Variants in RPS6KC1 observed in about 807,000 individuals in gnomAD.
RPS6KC1 encodes the protein ribosomal protein S6 kinase C1.
RPS6KC1 carries 54 observed loss-of-function variants against 103.8 expected under a neutral mutation model. That is an observed-to-expected ratio of 0.52 (90% CI 0.42 to 0.65). RPS6KC1 has a LOEUF of 0.65. Ranked by LOEUF, RPS6KC1 falls within the 30% of genes least tolerant of loss-of-function variation. The pLI is 0.00. For missense variants in RPS6KC1, 1,151 were observed against 1,253.8 expected, an observed-to-expected ratio of 0.92 and a Z score of 1.24; for synonymous variants, 439 against 438.7, an observed-to-expected ratio of 1.00 and a Z score of -0.01.
chr1:213,251,426 A>G (rs974378931), intron 12 of RPS6KC1, among the ~76,000 whole-genome samples: 8 of 152,094 alleles, frequency 5.3e-5, no homozygotes, highest in African/African-American at 1.9e-4. Flanking sequence ...TTCTTGATGT[A>G]GCACACGCCA....
chr1:213,625,787 C>T, the RPS6KC1 span, among the ~76,000 whole-genome samples: 1 of 152,142 alleles, frequency 6.6e-6, no homozygotes, highest in Admixed American at 6.6e-5. Flanking sequence ...GCATAGTATT[C>T]CATGGTGTAT....
At chr1:213,796,183 A>G in the RPS6KC1 span, among the ~76,000 whole-genome samples, 3 of 152,220 alleles carry the variant, frequency 2.0e-5, no homozygotes, top group Non-Finnish European at 2.9e-5. Context: ...CAGTAACCCA[A>G]TATTATCTTC....
chr1:213,727,301 C>T, the RPS6KC1 span, among the ~76,000 whole-genome samples: 1 of 152,150 alleles, frequency 6.6e-6, no homozygotes, highest in Admixed American at 6.5e-5. Flanking sequence ...TCATCATATC[C>T]TCTGTGCAAA....
At chr1:213,825,927 T>G in the RPS6KC1 span, among the ~76,000 whole-genome samples, 8 of 152,316 alleles carry the variant, frequency 5.3e-5, no homozygotes, top group African/African-American at 1.7e-4. Context: ...GCCCATGAAC[T>G]GAAAACAATC....
At chr1:213,854,564 C>CTTTCTCTCTT in the RPS6KC1 span, among the ~76,000 whole-genome samples, 4 of 105,676 alleles carry the variant, frequency 3.8e-5, no homozygotes, top group Admixed American at 1.0e-4. Context: ...TTCTTTCTTT[C>CTTTCTCTCTT]TCTCTCTCTC....
At position 213,129,780 on chromosome 1, in the gene RPS6KC1, A is replaced by G. The variant is rs771195924; in HGVS notation, c.726A>G (p.Lys242=). Reference sequence around the variant, plus strand: ...TTGGCAAGAGAGATTATTTGGAGAAAGCAGGAGAATTAATAAAGCTGGCTT... The same window carrying G: ...TTGGCAAGAGAGATTATTTGGAGAAGGCAGGAGAATTAATAAAGCTGGCTT... ...PKLGKRDYLE[K]AGELIKLALK... is the part of the protein sequence containing the mutation. The change falls in exon 6 of 15, where the codon AAA becomes AAG. Residue 242 remains lysine (K), a synonymous_variant. Coordinates refer to ENST00000366960, the MANE Select transcript of RPS6KC1 (RefSeq NM_012424.6). 6.2e-7 allele frequency: 1 copy of G among 1,614,096 alleles called. No homozygotes were observed. The highest frequency in any genetic ancestry group is 1.1e-5 in the South Asian group (1 of 91,078).
chr1:213,771,409 G>T, the RPS6KC1 span, among the ~76,000 whole-genome samples: 2 of 152,200 alleles, frequency 1.3e-5, no homozygotes, highest in Non-Finnish European at 2.9e-5. Context: ...TAAGAAGTGA[G>T]CAGGTTGTAT....
intron 8 of RPS6KC1, among the ~76,000 whole-genome samples, chr1:213,215,140 G>A (rs888022417): frequency 6.6e-6 from 1 of 152,166 alleles, no homozygotes; most frequent in Non-Finnish European, 1.5e-5. Context: ...AAAAAGATTA[G>A]ACGAATGGCT....
intron 1 of RPS6KC1, among the ~76,000 whole-genome samples, chr1:213,058,687 A>C (rs1198809946): frequency 2.0e-5 from 3 of 152,188 alleles, no homozygotes; most frequent in Non-Finnish European, 4.4e-5. Context: ...AAAATTAGGC[A>C]ATATTGTTTC....
At chr1:213,222,908 T>C (rs2093870968) in intron 8 of RPS6KC1, among the ~76,000 whole-genome samples, 1 of 152,218 alleles carries the variant, frequency 6.6e-6, no homozygotes, top group African/African-American at 2.4e-5. Flanking sequence ...GCCCATCTGG[T>C]TAAAAATTCA....
intron 5 of RPS6KC1, among the ~76,000 whole-genome samples, chr1:213,122,176 T>G (rs2084463163): frequency 6.6e-6 from 1 of 152,142 alleles, no homozygotes; most frequent in Admixed American, 6.5e-5. Context: ...TTTAAGAATA[T>G]TAATTCTTAA....
the RPS6KC1 span, among the ~76,000 whole-genome samples, chr1:213,557,548 T>C: frequency 6.6e-6 from 1 of 152,166 alleles, no homozygotes; most frequent in Non-Finnish European, 1.5e-5. Flanking sequence ...AGTATGAGAA[T>C]TCTAAATGTG....
the RPS6KC1 span, among the ~76,000 whole-genome samples, chr1:213,791,199 C>G: frequency 5.2e-3 from 789 of 151,986 alleles, 8 homozygotes; most frequent in African/African-American, 0.019. Flanking sequence ...AAAGCCAGAA[C>G]TAGAAATTCT....
At chr1:213,469,201 A>G in the RPS6KC1 span, among the ~76,000 whole-genome samples, 1 of 152,146 alleles carries the variant, frequency 6.6e-6, no homozygotes, top group Middle Eastern at 3.2e-3. Flanking sequence ...TGCAGGATGT[A>G]TATTTAGAGT....
chr1:213,464,991 A>C, the RPS6KC1 span, among the ~76,000 whole-genome samples: 8 of 152,166 alleles, frequency 5.3e-5, no homozygotes, highest in East Asian at 1.5e-3. Flanking sequence ...TTACTCACCC[A>C]AAGTCACACC....
the RPS6KC1 span, among the ~76,000 whole-genome samples, chr1:213,482,408 T>C: frequency 6.6e-6 from 1 of 152,066 alleles, no homozygotes; most frequent in Non-Finnish European, 1.5e-5. Flanking sequence ...TTAAACTTAA[T>C]TAAACTTATA....
intron 1 of RPS6KC1, among the ~76,000 whole-genome samples, chr1:213,070,672 TTTGGCCAAAAC>T (rs1423970427): frequency 6.6e-6 from 1 of 152,212 alleles, no homozygotes; most frequent in African/African-American, 2.4e-5. Context: ...GTTGGCTCTC[TTTGGCCAAAAC>T]TTGGTGATTG....
At chr1:213,500,901 C>T in the RPS6KC1 span, among the ~76,000 whole-genome samples, 1 of 151,910 alleles carries the variant, frequency 6.6e-6, no homozygotes, top group Non-Finnish European at 1.5e-5. Flanking sequence ...GTAGAATATA[C>T]TAGAAAACAG....
At chr1:213,065,794 TAAAC>T (rs1470921908) in intron 1 of RPS6KC1, among the ~76,000 whole-genome samples, 1 of 152,074 alleles carries the variant, frequency 6.6e-6, no homozygotes, top group Non-Finnish European at 1.5e-5. Context: ...GTAGGTGAAA[TAAAC>T]AAAAACCTAA....
Sources: gnomAD v4.1 joint callset for allele counts (sites outside exome capture counted in the v4.1 genomes callset) on GRCh38, gnomAD v4.1.1 for gene constraint, MANE v1.5 for transcripts, NCBI Gene and HGNC (gene_info 2026-07-23, HGNC 2026-07-21) for gene names.